PCDHGA1: variants seen among roughly 807,000 people sequenced by gnomAD.
The protein encoded by PCDHGA1 is protocadherin gamma-A1.
In PCDHGA1, 32 loss-of-function variants were observed where a neutral mutation model predicts 58.0. The ratio of observed to expected loss-of-function variants is 0.55; its 90% CI spans 0.42 to 0.74. PCDHGA1 has a LOEUF of 0.74. PCDHGA1 is among the 30% of genes least tolerant of loss of function. The probability of loss-of-function intolerance (pLI) is 0.00; values close to 1 mark genes in which losing one functional copy is unlikely to be tolerated. For missense variants in PCDHGA1, 1,205 were observed against 1,182.3 expected (o/e 1.02, Z -0.28); for synonymous variants, 498 against 501.1 (o/e 0.99, Z 0.08).
At chr5:141,413,407 CT>C (rs758693256) in intron 1 of PCDHGA1, 3 of 1,613,926 alleles carry the variant, frequency 1.9e-6, no homozygotes, top group Non-Finnish European at 2.5e-6. Flanking sequence ...TAGGACGCAG[CT>C]TTTCTCTCTG....
chr5:141,364,807 T>A, intron 1 of PCDHGA1: 1 of 1,614,018 alleles, frequency 6.2e-7, no homozygotes, highest in Non-Finnish European at 8.5e-7. Flanking sequence ...TCGCGCGGGA[T>A]GCGGATGTGG....
At chr5:141,444,507 G>C (rs1213059531) in intron 1 of PCDHGA1, among the ~76,000 whole-genome samples, 1 of 152,068 alleles carries the variant, frequency 6.6e-6, no homozygotes, top group Non-Finnish European at 1.5e-5. Context: ...CTTTGCTCTA[G>C]CAGTATAGTA....
At chr5:141,419,014 C>A (rs1332175722) in intron 1 of PCDHGA1, 1 of 1,613,780 alleles carries the variant, frequency 6.2e-7, no homozygotes, top group Non-Finnish European at 8.5e-7. Flanking sequence ...TCAGGTGTAG[C>A]TTAAGTAGAG....
In PCDHGA1 at chr5:141,482,160, T is replaced by C. The variant is rs577572891; in HGVS notation, c.2422-12647T>C. Reference sequence around the variant, plus strand: ...GCATAAAAAGGTCAAGTCAAAGATATGTAAGATTAAGGCTTTACGATGCTC... The same window carrying C: ...GCATAAAAAGGTCAAGTCAAAGATACGTAAGATTAAGGCTTTACGATGCTC... On this transcript the variant is annotated intron_variant, in intron 1 of 3. Coordinates refer to ENST00000517417, the MANE Select transcript of PCDHGA1 (RefSeq NM_018912.3). 1.6e-4 allele frequency among the ~76,000 whole-genome samples: 25 copies of C among 151,966 alleles called. No homozygotes were observed. In the South Asian group the frequency reaches 4.0e-3, roughly 24 times the overall value.
chr5:141,455,494 T>C (rs1223531150), intron 1 of PCDHGA1, among the ~76,000 whole-genome samples: 2 of 152,214 alleles, frequency 1.3e-5, no homozygotes, highest in African/African-American at 4.8e-5. Context: ...AGGTGATGTC[T>C]GATTTGCATA....
chr5:141,433,305 C>T, intron 1 of PCDHGA1: 1 of 931,032 alleles, frequency 1.1e-6, no homozygotes, highest in Non-Finnish European at 1.6e-6. Flanking sequence ...GCAATTATCC[C>T]ACCTTTGCCT....
chr5:141,490,906 G>A lies in PCDHGA1; in HGVS notation c.2422-3901G>A, dbSNP rs2099705910. 1 of 1,613,798 alleles carries A rather than the reference G, an allele frequency of 6.2e-7. No individual in the cohort carries two copies. Among genetic ancestry groups the A allele is most frequent in the Non-Finnish European group, 8.5e-7 (1 of 1,179,808 alleles). ...CACATCTCTGCATGTGTTTGTCCTA[G>A]ACGAGAATGATAATGCCCCAGCTGT... On this transcript the variant is annotated intron_variant, in intron 1 of 3. Coordinates refer to ENST00000517417, the MANE Select transcript of PCDHGA1 (RefSeq NM_018912.3). The surrounding 1 kb of genome is among the most constrained non-coding windows in gnomAD (Gnocchi z 5.4).
chr5:141,332,507 T>C lies in PCDHGA1; in HGVS notation c.1823T>C (p.Leu608Pro). The change falls in exon 1 of 4, where the codon CTG (leucine) becomes CCG (proline). Residue 608 changes from leucine to proline, a missense_variant. Leu to Pro is a moderately conservative substitution (Grantham distance 98, BLOSUM62 -3). Transcript: ENST00000517417. The surrounding 1 kb of genome is among the most constrained non-coding windows in gnomAD (Gnocchi z 4.6). ...SGQNAWLSYR[L>P]LKASEPGLFS... Reference sequence around the variant, plus strand: ...CAGAACGCCTGGCTGTCCTACCGCCTGCTCAAGGCCAGCGAGCCGGGACTC... The same window carrying C: ...CAGAACGCCTGGCTGTCCTACCGCCCGCTCAAGGCCAGCGAGCCGGGACTC... 1 of 1,612,500 alleles carries C rather than the reference T, an allele frequency of 6.2e-7. No individual in the cohort carries two copies. Among genetic ancestry groups the C allele is most frequent in the Non-Finnish European group, 8.5e-7 (1 of 1,179,936 alleles).
At chr5:141,409,687 C>A (rs1190888512) in intron 1 of PCDHGA1, 2 of 1,613,202 alleles carry the variant, frequency 1.2e-6, no homozygotes, top group East Asian at 4.5e-5. Context: ...TGGCGAGTGA[C>A]CTAGAGCCCC....
intron 1 of PCDHGA1, chr5:141,408,475 CCGT>C: frequency 6.2e-7 from 1 of 1,614,032 alleles, no homozygotes; most frequent in Non-Finnish European, 8.5e-7. Context: ...ACCGAATAGA[CCGT>C]GAGCAAATAT....
chr5:141,394,136 C>G, intron 1 of PCDHGA1: 1 of 1,613,956 alleles, frequency 6.2e-7, no homozygotes, highest in Non-Finnish European at 8.5e-7. Flanking sequence ...TCGCTCTGCA[C>G]GTGGCAGACA....
At chr5:141,352,860 C>T (rs1463633504) in intron 1 of PCDHGA1, among the ~76,000 whole-genome samples, 2 of 152,054 alleles carry the variant, frequency 1.3e-5, no homozygotes, top group African/African-American at 2.4e-5. Context: ...TGGTGGCACG[C>T]GCCTGTAGTC....
intron 1 of PCDHGA1, chr5:141,440,921 G>C (rs1213425379): frequency 6.6e-6 from 1 of 152,260 alleles, no homozygotes; most frequent in Non-Finnish European, 1.5e-5. Context: ...TGTGCTGAGA[G>C]TGAGGGCCAC....
chr5:141,333,261 G>A (rs755437920), intron 1 of PCDHGA1, 156 bp downstream of exon 1: 5 of 1,036,182 alleles, frequency 4.8e-6, no homozygotes, highest in Admixed American at 2.6e-5. Context: ...GAGTCTACAC[G>A]TTCATATGCA....
At chr5:141,388,866 C>T in intron 1 of PCDHGA1, 1 of 1,613,950 alleles carries the variant, frequency 6.2e-7, no homozygotes, top group Non-Finnish European at 8.5e-7. Flanking sequence ...AATGATTGCG[C>T]AATGCACAGT....
chr5:141,355,623 A>T, intron 1 of PCDHGA1: 1 of 1,613,994 alleles, frequency 6.2e-7, no homozygotes. Context: ...GGGAAATAAA[A>T]GTTGCTGAAA....
intron 1 of PCDHGA1, chr5:141,342,674 G>C (rs1757194680): frequency 6.6e-6 from 1 of 152,142 alleles, no homozygotes; most frequent in Non-Finnish European, 1.5e-5. Context: ...GTATAAACAG[G>C]AAAATTAAAG....
intron 1 of PCDHGA1, among the ~76,000 whole-genome samples, chr5:141,433,559 G>A (rs2154555800): frequency 6.6e-6 from 1 of 152,212 alleles, no homozygotes; most frequent in Non-Finnish European, 1.5e-5. Context: ...TTTCTGGCTG[G>A]GCGCGGTGGC....
intron 1 of PCDHGA1, chr5:141,478,520 G>C (rs1474701976): frequency 1.2e-6 from 2 of 1,610,510 alleles, no homozygotes; most frequent in East Asian, 4.5e-5. Context: ...GCAGGTGTTG[G>C]GTGCAGAGAG....
Sources: allele counts gnomAD v4.1 joint callset (sites outside exome capture counted in the v4.1 genomes callset), GRCh38; gene constraint gnomAD v4.1.1; non-coding constraint Gnocchi (gnomAD v3.1); transcripts MANE v1.5; gene names NCBI Gene and HGNC (gene_info 2026-07-23, HGNC 2026-07-21).